Variants in AUTS2 observed in about 807,000 individuals in gnomAD.
The protein encoded by AUTS2 is activator of transcription and developmental regulator AUTS2, also known as autism susceptibility gene 2 protein.
A neutral mutation model predicts 112.4 loss-of-function variants in AUTS2; 17 were observed. The ratio of observed to expected loss-of-function variants is 0.15; its 90% CI spans 0.10 to 0.23. The LOEUF (loss-of-function observed/expected upper bound fraction) is 0.23, where lower values mean the gene tolerates loss of function less well. Ranked by LOEUF, AUTS2 falls within the 10% of genes least tolerant of loss-of-function variation. AUTS2 has a pLI of 1.00. For missense variants in AUTS2, 1,510 were observed against 1,701.6 expected (o/e 0.89, Z 1.98); for synonymous variants, 751 against 702.7 (o/e 1.07, Z -1.09).
At chr7:69,774,677 G>C (rs777187496) in intron 1 of AUTS2, among the ~76,000 whole-genome samples, 85 of 152,210 alleles carry the variant, frequency 5.6e-4, no homozygotes, top group Non-Finnish European at 1.6e-4. Context: ...ATATATCTTG[G>C]CATTGTGGCT....
chr7:69,653,665 C>T (rs1795388878), intron 1 of AUTS2, among the ~76,000 whole-genome samples: 1 of 151,066 alleles, frequency 6.6e-6, no homozygotes, highest in Non-Finnish European at 1.5e-5. Context: ...TTTCATGCTC[C>T]TTGAGGAGAA....
intron 6 of AUTS2, among the ~76,000 whole-genome samples, chr7:70,742,292 C>A (rs73445020): frequency 0.017 from 2,576 of 152,220 alleles, 62 homozygotes; most frequent in African/African-American, 0.059. Flanking sequence ...CAAAGTCTCC[C>A]CCCGCCAGAG....
At chr7:70,552,082 G>A (rs1224111837) in intron 5 of AUTS2, among the ~76,000 whole-genome samples, 1 of 152,108 alleles carries the variant, frequency 6.6e-6, no homozygotes, top group Non-Finnish European at 1.5e-5. Flanking sequence ...GTAGGGAAAA[G>A]AGTATGTGTA....
At chr7:70,029,010 A>G (rs1216416736) in intron 2 of AUTS2, among the ~76,000 whole-genome samples, 2 of 152,150 alleles carry the variant, frequency 1.3e-5, no homozygotes, top group Non-Finnish European at 2.9e-5. Flanking sequence ...GTACTTGTAA[A>G]GTGCCCTTTA....
chr7:69,616,555 A>G (rs926708836), intron 1 of AUTS2, among the ~76,000 whole-genome samples: 9 of 152,168 alleles, frequency 5.9e-5, no homozygotes, highest in African/African-American at 2.2e-4. Flanking sequence ...GGCTGTAAAT[A>G]TTCTAGGGAT....
chr7:69,756,506 CTT>C (rs1162828179), intron 1 of AUTS2, among the ~76,000 whole-genome samples: 1 of 152,122 alleles, frequency 6.6e-6, no homozygotes, highest in African/African-American at 2.4e-5. Context: ...CATAAAAGCT[CTT>C]TGTGTATTTG....
Position 70,790,866 on chromosome 7 carries a change from T to C in AUTS2, c.3650T>C (p.Leu1217Pro), listed in dbSNP as rs1791901835. The C allele has an allele frequency of 1.9e-6, 3 of 1,605,758 alleles. No homozygotes were observed. Among genetic ancestry groups the C allele is most frequent in the Non-Finnish European group, 2.6e-6 (3 of 1,175,808 alleles). ...AACAAGACCCCTCCGACAGCAGCGCTGAGCGCACCTCCCCCGCTCATCTCC... is the reference window on the plus strand; with the variant it reads ...AACAAGACCCCTCCGACAGCAGCGCCGAGCGCACCTCCCCCGCTCATCTCC... ...LLNKTPPTAALSAPPPLISTL... is the reference protein window; with the variant it reads ...LLNKTPPTAAPSAPPPLISTL... Residue 1217 changes from leucine (L) to proline (P), a missense_variant, in exon 19 of 19, where the codon CTG becomes CCG. By Grantham distance (98) the Leu-to-Pro change is moderately conservative (BLOSUM62 -3). Transcript: ENST00000342771. The surrounding 1 kb of genome is among the most constrained non-coding windows in gnomAD (Gnocchi z 7.6).
At chr7:69,778,206 C>A (rs1403108564) in intron 1 of AUTS2, among the ~76,000 whole-genome samples, 1 of 148,108 alleles carries the variant, frequency 6.8e-6, no homozygotes, top group Admixed American at 6.8e-5. Flanking sequence ...TATTAAAATA[C>A]AAATCACAGG....
intron 1 of AUTS2, among the ~76,000 whole-genome samples, chr7:69,637,956 A>T (rs1372551378): frequency 2.6e-5 from 4 of 152,348 alleles, no homozygotes; most frequent in South Asian, 2.1e-4. Flanking sequence ...TAGAATAGAT[A>T]CACAGGAGAG....
intron 4 of AUTS2, among the ~76,000 whole-genome samples, chr7:70,189,865 T>G (rs1388070442): frequency 6.6e-6 from 1 of 152,166 alleles, no homozygotes; most frequent in East Asian, 1.9e-4. Context: ...TTGTTACCCA[T>G]CTAGTGAAGC....
At chr7:70,781,844 C>T in intron 15 of AUTS2, 88 bp downstream of exon 15, 1 of 1,513,280 alleles carries the variant, frequency 6.6e-7, no homozygotes, top group Non-Finnish European at 8.9e-7. Flanking sequence ...TGAGCTGCCG[C>T]TCAGTCACCA....
rs111389664 is a variant in AUTS2, at chr7:70,383,658, CA to C, written c.661-52088del. ...CAAAAATCCCAGTGCCTGTCCTTGA[CA>C]AAAAAGTCTGTTTTTTCCACAGTAA... is the stretch of plus-strand genomic sequence containing the variant. On this transcript the variant is annotated intron_variant, in intron 4 of 18. Coordinates refer to ENST00000342771, the MANE Select transcript of AUTS2 (RefSeq NM_015570.4). Among the ~76,000 whole-genome samples, 1,163 of 152,250 alleles carry C rather than the reference CA, an allele frequency of 7.6e-3. 25 individuals carry two copies. Among genetic ancestry groups the C allele is most frequent in the African/African-American group, 0.027 (1,115 of 41,548 alleles).
intron 5 of AUTS2, among the ~76,000 whole-genome samples, chr7:70,548,577 G>A (rs1451234520): frequency 2.6e-5 from 4 of 152,056 alleles, no homozygotes; most frequent in South Asian, 2.1e-4. Flanking sequence ...ACTTTTTTGT[G>A]TATGGTATGA....
intron 2 of AUTS2, among the ~76,000 whole-genome samples, chr7:69,964,440 G>C (rs551323844): frequency 6.6e-6 from 1 of 152,132 alleles, no homozygotes; most frequent in African/African-American, 2.4e-5. Context: ...TCATTAAAAA[G>C]CATTACTAAA....
chr7:69,798,348 G>T (rs759085426), intron 1 of AUTS2, among the ~76,000 whole-genome samples: 1 of 152,072 alleles, frequency 6.6e-6, no homozygotes, highest in Non-Finnish European at 1.5e-5. Context: ...CTCTCCTTGC[G>T]ATTTGCCTTT....
intron 2 of AUTS2, among the ~76,000 whole-genome samples, chr7:70,062,820 C>G (rs567140429): frequency 6.6e-6 from 1 of 152,292 alleles, no homozygotes; most frequent in South Asian, 2.1e-4. Flanking sequence ...GGCAGTAAAC[C>G]TGGGTAGAAT....
chr7:70,255,880 A>G (rs1050414311), intron 4 of AUTS2, among the ~76,000 whole-genome samples: 1 of 152,224 alleles, frequency 6.6e-6, no homozygotes, highest in Non-Finnish European at 1.5e-5. Flanking sequence ...GCCTAGATTT[A>G]TTAATCATTG....
chr7:70,629,209 G>T (rs867683902), intron 5 of AUTS2, among the ~76,000 whole-genome samples: 28 of 152,268 alleles, frequency 1.8e-4, no homozygotes, highest in Middle Eastern at 6.8e-3. Context: ...GGTGGCTCAC[G>T]CCTGTAAGCC....
chr7:70,580,169 G>A (rs1429585408), intron 5 of AUTS2, among the ~76,000 whole-genome samples: 1 of 152,162 alleles, frequency 6.6e-6, no homozygotes, highest in Non-Finnish European at 1.5e-5. Flanking sequence ...GCCAATTAGA[G>A]TGGACGTACT....
Sources: gnomAD v4.1 joint callset for allele counts (sites outside exome capture counted in the v4.1 genomes callset) on GRCh38, gnomAD v4.1.1 for gene constraint, Gnocchi (gnomAD v3.1) non-coding constraint, MANE v1.5 for transcripts, NCBI Gene and HGNC (gene_info 2026-07-23, HGNC 2026-07-21) for gene names.